SLC25A40: variants seen among roughly 807,000 people sequenced by gnomAD.
The protein encoded by SLC25A40 is solute carrier family 25 member 40, also known as mitochondrial glutathione transporter SLC25A40.
A neutral mutation model predicts 46.5 loss-of-function variants in SLC25A40; 41 were observed. The observed-to-expected ratio is 0.88, with a 90% CI of 0.69 to 1.14. The LOEUF is 1.14. Ranked by LOEUF, SLC25A40 falls within the 50% of genes most tolerant of loss-of-function variation. The pLI is 0.00. For missense variants in SLC25A40, 386 were observed against 393.6 expected (o/e 0.98, Z 0.16); for synonymous variants, 126 against 127.5 (o/e 0.99, Z 0.08).
chr7:87,845,447 G>A (rs189898920), intron 8 of SLC25A40, among the ~76,000 whole-genome samples: 1 of 152,260 alleles, frequency 6.6e-6, no homozygotes, highest in Non-Finnish European at 1.5e-5. Context: ...TGTTAACTGC[G>A]CATGTGAGGG....
chr7:87,844,459 A>G (rs1290001051), intron 8 of SLC25A40, among the ~76,000 whole-genome samples: 2 of 152,166 alleles, frequency 1.3e-5, no homozygotes, highest in Non-Finnish European at 2.9e-5. Context: ...CCTATACCAA[A>G]AAATAATTAT....
intron 3 of SLC25A40, among the ~76,000 whole-genome samples, chr7:87,858,352 G>A (rs1838646258): frequency 6.6e-6 from 1 of 152,094 alleles, no homozygotes; most frequent in Admixed American, 6.5e-5. Flanking sequence ...ATGTGATCTT[G>A]TGACCTTACT....
At chr7:87,865,372 A>C (rs897976378) in intron 1 of SLC25A40, among the ~76,000 whole-genome samples, 2 of 152,198 alleles carry the variant, frequency 1.3e-5, no homozygotes, top group East Asian at 1.9e-4. Flanking sequence ...TATATTCCTT[A>C]TCTCTCAACA....
chr7:87,876,360 C>T lies in SLC25A40; in HGVS notation c.-358G>A, dbSNP rs908522471. 16 of 197,806 alleles carry T rather than the reference C, an allele frequency of 8.1e-5. No homozygotes were observed. The East Asian group carries it at 1.9e-3, about 23-fold the overall frequency. The allele number at this position is 197,806 out of a possible 1,614,324, so 12.3% of individuals were successfully genotyped here. ...GGGCCAGAGCGAGGCGCGAGAAGGACGGCGGCGTGAGGGGGCGGGGCGCGC... is the reference window on the plus strand; with the variant it reads ...GGGCCAGAGCGAGGCGCGAGAAGGATGGCGGCGTGAGGGGGCGGGGCGCGC... On this transcript the variant is annotated 5_prime_UTR_variant, in exon 1 of 12. Transcript: ENST00000341119.
At chr7:87,856,178 G>C in intron 4 of SLC25A40, 114 bp downstream of exon 4, 2 of 938,372 alleles carry the variant, frequency 2.1e-6, no homozygotes, top group Non-Finnish European at 3.3e-6. Context: ...TTTTTCATGA[G>C]GATAAAGAGG....
At chr7:87,865,946 G>A (rs1174585956) in intron 1 of SLC25A40, among the ~76,000 whole-genome samples, 1 of 151,956 alleles carries the variant, frequency 6.6e-6, no homozygotes, top group Non-Finnish European at 1.5e-5. Context: ...AGCCAGGTGT[G>A]GTGGCACACA....
chr7:87,841,579 G>T, intron 10 of SLC25A40, 54 bp downstream of exon 10: 1 of 1,069,416 alleles, frequency 9.4e-7, no homozygotes, highest in South Asian at 1.8e-5. Flanking sequence ...TACAATATCT[G>T]TAAGGAAAAA....
chr7:87,864,897 T>A (rs1342378145), intron 1 of SLC25A40, among the ~76,000 whole-genome samples: 1 of 152,178 alleles, frequency 6.6e-6, no homozygotes, highest in Non-Finnish European at 1.5e-5. Flanking sequence ...TTTTCTTCCA[T>A]TCTTACTGTT....
intron 1 of SLC25A40, among the ~76,000 whole-genome samples, chr7:87,871,784 C>T (rs1430567990): frequency 1.3e-5 from 2 of 152,114 alleles, no homozygotes. Context: ...ATCATCTTTG[C>T]CTTTCTTAAA....
chr7:87,855,748 G>A (rs1562746549), intron 4 of SLC25A40, among the ~76,000 whole-genome samples: 3 of 152,048 alleles, frequency 2.0e-5, no homozygotes, highest in Non-Finnish European at 2.9e-5. Flanking sequence ...GTCCAAACAC[G>A]TGTTTTCTGC....
chr7:87,856,396 A>G, intron 3 of SLC25A40, 45 bp from the exon 4 acceptor site: 1 of 1,399,784 alleles, frequency 7.1e-7, no homozygotes, highest in Non-Finnish European at 1.0e-6. Flanking sequence ...GTATCTGTAA[A>G]TTGGATAGAT....
At chr7:87,856,184 A>G (rs1838610728) in intron 4 of SLC25A40, 108 bp downstream of exon 4, 1 of 982,374 alleles carries the variant, frequency 1.0e-6, no homozygotes, top group South Asian at 1.6e-5. Context: ...ATGAGGATAA[A>G]GAGGCATCAA....
At chr7:87,863,996 T>C (rs1163985117) in intron 1 of SLC25A40, among the ~76,000 whole-genome samples, 1 of 152,250 alleles carries the variant, frequency 6.6e-6, no homozygotes, top group Non-Finnish European at 1.5e-5. Context: ...TAAGGATTTC[T>C]AGGACTTCTA....
intron 2 of SLC25A40, among the ~76,000 whole-genome samples, chr7:87,859,852 T>C (rs887908507): frequency 6.6e-6 from 1 of 152,144 alleles, no homozygotes; most frequent in Admixed American, 6.5e-5. Context: ...GTAACCTTCC[T>C]ACAATTACTG....
intron 1 of SLC25A40, among the ~76,000 whole-genome samples, chr7:87,861,189 A>G (rs1431218114): frequency 6.6e-6 from 1 of 152,176 alleles, no homozygotes; most frequent in Non-Finnish European, 1.5e-5. Context: ...GTCTTGATTT[A>G]TTTGAATCAA....
At chr7:87,874,644 TGGAGCTCTTAA>T (rs1383775910) in intron 1 of SLC25A40, among the ~76,000 whole-genome samples, 3 of 152,244 alleles carry the variant, frequency 2.0e-5, no homozygotes, top group Non-Finnish European at 4.4e-5. Flanking sequence ...ATAGTAATTA[TGGAGCTCTTAA>T]GGAGCTCTAC....
At chr7:87,841,832 A>G in intron 9 of SLC25A40, 118 bp from the exon 10 acceptor site, 2 of 455,802 alleles carry the variant, frequency 4.4e-6, no homozygotes, top group South Asian at 9.7e-5. Context: ...CCGAACTTTA[A>G]AATGAAATAA....
chr7:87,844,204 G>A (rs1250769123), intron 8 of SLC25A40, among the ~76,000 whole-genome samples: 2 of 152,092 alleles, frequency 1.3e-5, no homozygotes, highest in Non-Finnish European at 2.9e-5. Flanking sequence ...ACAAACTGAA[G>A]TCAGAAATAT....
intron 6 of SLC25A40, 120 bp downstream of exon 6, chr7:87,849,761 A>G: frequency 1.4e-6 from 1 of 695,374 alleles, no homozygotes; most frequent in Non-Finnish European, 2.3e-6. Flanking sequence ...CTTAAAAAAC[A>G]ATACCTCAGA....
Sources: allele counts gnomAD v4.1 joint callset (sites outside exome capture counted in the v4.1 genomes callset), GRCh38; gene constraint gnomAD v4.1.1; transcripts MANE v1.5; gene names NCBI Gene and HGNC (gene_info 2026-07-23, HGNC 2026-07-21).